JAK1: variants seen among roughly 807,000 people sequenced by gnomAD.
The protein encoded by JAK1 is Janus kinase 1.
In JAK1, 16 loss-of-function variants were observed where a neutral mutation model predicts 136.6. The observed-to-expected ratio is 0.12, with a 90% CI of 0.08 to 0.18. The LOEUF (loss-of-function observed/expected upper bound fraction) is 0.18, where lower values mean the gene tolerates loss of function less well. Among genes scored for constraint, JAK1 ranks in the 10% least tolerant of loss-of-function variants. The pLI is 1.00. For synonymous variants in JAK1, 492 were observed against 519.5 expected (o/e 0.95, Z 0.72); for missense variants, 859 against 1,450.1 (o/e 0.59, Z 6.62).
intron 1 of JAK1, among the ~76,000 whole-genome samples, chr1:64,928,798 A>AAAAAAAAAAAAAAAAAAAAAAAAATC (rs1557699679): frequency 1.1e-5 from 1 of 89,988 alleles, no homozygotes; most frequent in African/African-American, 5.8e-5. Context: ...AAAAAAAAAC[A>AAAAAAAAAAAAAAAAAAAAAAAAATC]AAAAAAAAAA....
chr1:64,889,947 T>C (rs1484169867), intron 1 of JAK1, among the ~76,000 whole-genome samples: 1 of 152,248 alleles, frequency 6.6e-6, no homozygotes, highest in Non-Finnish European at 1.5e-5. Context: ...ATTAAAATAC[T>C]ATGGATATAA....
chr1:65,048,093 G>A (rs531072975), intron 1 of JAK1, among the ~76,000 whole-genome samples: 3 of 152,316 alleles, frequency 2.0e-5, no homozygotes, highest in African/African-American at 7.2e-5. Flanking sequence ...AGATCCTGAT[G>A]TTGTTTGCAG....
intron 1 of JAK1, among the ~76,000 whole-genome samples, chr1:64,909,477 AAG>A (rs1477055722): frequency 6.6e-6 from 1 of 152,132 alleles, no homozygotes; most frequent in Non-Finnish European, 1.5e-5. Context: ...AAGAAACAGA[AAG>A]AGATGGAGGG....
chr1:64,847,223 G>A (rs115807527), intron 13 of JAK1, among the ~76,000 whole-genome samples: 1,929 of 152,030 alleles, frequency 0.013, 44 homozygotes, highest in African/African-American at 0.045. Context: ...ACTGTATCAG[G>A]AACTTTGAAC....
chr1:64,836,001 C>G (rs2100932761), intron 23 of JAK1, 97 bp downstream of exon 23: 1 of 709,398 alleles, frequency 1.4e-6, no homozygotes, highest in Non-Finnish European at 2.5e-6. Context: ...ATAATACATT[C>G]ATTGGATTCC....
chr1:64,990,950 A>G (rs1015248129), intron 2 of JAK1: 1 of 129,724 alleles, frequency 7.7e-6, no homozygotes, highest in African/African-American at 3.1e-5. Context: ...GAAAAGAAGA[A>G]AAAAAAAAAG....
intron 2 of JAK1, chr1:64,980,013 T>C (rs1280253577): frequency 6.6e-6 from 1 of 152,192 alleles, no homozygotes; most frequent in African/African-American, 2.4e-5. Context: ...GCAGAAACCA[T>C]GTATAATACA....
intron 9 of JAK1, among the ~76,000 whole-genome samples, chr1:64,858,572 A>G (rs958826396): frequency 6.6e-6 from 1 of 152,166 alleles, no homozygotes; most frequent in Non-Finnish European, 1.5e-5. Context: ...TTAGGCAAGG[A>G]ATGTCAGCAT....
chr1:64,922,148 G>GA (rs5774729), intron 1 of JAK1, among the ~76,000 whole-genome samples: 54 of 148,512 alleles, frequency 3.6e-4, no homozygotes, highest in Non-Finnish European at 5.4e-4. Flanking sequence ...TGTTCTTATG[G>GA]AAAAAAAAAA....
chr1:64,839,558 C>T (rs760968451), intron 20 of JAK1, 45 bp downstream of exon 20: 35 of 1,573,724 alleles, frequency 2.2e-5, no homozygotes, highest in Non-Finnish European at 3.0e-5. Flanking sequence ...TGACCCTAGA[C>T]AGTCACCAAA....
At chr1:64,929,263 TG>T (rs1275028484) in intron 1 of JAK1, among the ~76,000 whole-genome samples, 1 of 152,234 alleles carries the variant, frequency 6.6e-6, no homozygotes, top group African/African-American at 2.4e-5. Context: ...CATTATCATC[TG>T]TCTTGCAGTT....
intron 2 of JAK1, among the ~76,000 whole-genome samples, chr1:65,013,666 C>T (rs963210215): frequency 1.3e-5 from 2 of 152,038 alleles, no homozygotes; most frequent in African/African-American, 4.8e-5. Context: ...AGCAAAGGAA[C>T]AAATACAAAT....
intron 2 of JAK1, among the ~76,000 whole-genome samples, chr1:64,988,098 C>T (rs2100714528): frequency 6.6e-6 from 1 of 152,240 alleles, no homozygotes; most frequent in South Asian, 2.1e-4. Context: ...TTTCTCAAGC[C>T]GCATTAGAAG....
intron 2 of JAK1, among the ~76,000 whole-genome samples, chr1:64,998,451 T>C (rs1394519283): frequency 6.6e-6 from 1 of 152,258 alleles, no homozygotes; most frequent in African/African-American, 2.4e-5. Flanking sequence ...AAAATCTATG[T>C]AACATGTTTT....
chr1:64,849,773 A>T (rs1413607018), intron 12 of JAK1, among the ~76,000 whole-genome samples: 1 of 152,216 alleles, frequency 6.6e-6, no homozygotes, highest in African/African-American at 2.4e-5. Context: ...GGCAGGCCCC[A>T]CAGACTATGT....
At chr1:65,018,058 G>A (rs866169748) in intron 2 of JAK1, among the ~76,000 whole-genome samples, 22 of 151,968 alleles carry the variant, frequency 1.4e-4, no homozygotes, top group Middle Eastern at 3.2e-3. Flanking sequence ...TGATCCTCCC[G>A]CCTCAGCCTC....
chr1:64,939,860 G>A (rs1187263118), intron 1 of JAK1, among the ~76,000 whole-genome samples: 1 of 152,156 alleles, frequency 6.6e-6, no homozygotes, highest in Non-Finnish European at 1.5e-5. Context: ...CAACTGGGTG[G>A]CTCAATACTA....
At chr1:65,056,552 C>T (rs544123500) in intron 1 of JAK1, among the ~76,000 whole-genome samples, 2 of 152,296 alleles carry the variant, frequency 1.3e-5, no homozygotes, top group East Asian at 1.9e-4. Flanking sequence ...CAGTGGAGGA[C>T]CTGATAATAC....
At chr1:65,034,482 A>G (rs957848440) in intron 2 of JAK1, among the ~76,000 whole-genome samples, 1 of 152,246 alleles carries the variant, frequency 6.6e-6, no homozygotes, top group Non-Finnish European at 1.5e-5. Context: ...TGAGTGTCTA[A>G]TCCAAAAAGG....
Sources: gnomAD v4.1 joint callset for allele counts (sites outside exome capture counted in the v4.1 genomes callset) on GRCh38, gnomAD v4.1.1 for gene constraint, MANE v1.5 for transcripts, NCBI Gene and HGNC (gene_info 2026-07-23, HGNC 2026-07-21) for gene names.